Variants in PVR observed in about 807,000 individuals in gnomAD.
PVR encodes the protein PVR cell adhesion molecule.
A neutral mutation model predicts 43.3 loss-of-function variants in PVR; 39 were observed. That is an observed-to-expected ratio of 0.90 (90% CI 0.70 to 1.18). The LOEUF is 1.18. Among genes scored for constraint, PVR ranks in the 50% most tolerant of loss-of-function variants. The probability of loss-of-function intolerance (pLI) is 0.00; values close to 1 mark genes in which losing one functional copy is unlikely to be tolerated. For synonymous variants in PVR, 224 were observed against 233.2 expected (o/e 0.96, Z 0.36); for missense variants, 480 against 549.7 (o/e 0.87, Z 1.27).
In PVR at chr19:44,647,330, C is replaced by T; in HGVS notation, c.187C>T (p.Gln63Ter). Residue 63 changes from glutamine (Q) to a stop codon, truncating the protein, a stop_gained, in exon 2 of 8, where the codon CAG becomes TAG. Coordinates refer to ENST00000425690, the MANE Select transcript of PVR (RefSeq NM_006505.5). LOFTEE classifies it high-confidence loss of function. ...CAACATGGAGGTGACGCATGTGTCACAGCTGACTTGGGCGCGGCATGGTGA... is the reference window on the plus strand; with the variant it reads ...CAACATGGAGGTGACGCATGTGTCATAGCTGACTTGGGCGCGGCATGGTGA... ...VPNMEVTHVS[Q>*]LTWARHGESG... 6.2e-7 allele frequency: 1 copy of T among 1,612,506 alleles called. No homozygotes were observed. The highest frequency in any genetic ancestry group is 1.1e-5 in the South Asian group (1 of 90,652).
At chr19:44,656,826 G>T (rs1219162332) in intron 4 of PVR, among the ~76,000 whole-genome samples, 4 of 152,014 alleles carry the variant, frequency 2.6e-5, no homozygotes, top group Non-Finnish European at 5.9e-5. Context: ...TACAAAAATT[G>T]GCCGGGTGTG....
At chr19:44,646,136 A>T (rs1973108492) in intron 1 of PVR, among the ~76,000 whole-genome samples, 1 of 152,186 alleles carries the variant, frequency 6.6e-6, no homozygotes, top group Non-Finnish European at 1.5e-5. Flanking sequence ...ATAGCCCCTG[A>T]TCTGTGTCAG....
chr19:44,646,339 C>T (rs1973113198), intron 1 of PVR, among the ~76,000 whole-genome samples: 1 of 152,114 alleles, frequency 6.6e-6, no homozygotes, highest in South Asian at 2.1e-4. Context: ...AGTAATAATG[C>T]AGTGTTTCAT....
chr19:44,647,106 CGGGGA>C, intron 1 of PVR, 112 bp from the exon 2 acceptor site: 1 of 663,938 alleles, frequency 1.5e-6, no homozygotes, highest in Non-Finnish European at 2.4e-6. Flanking sequence ...CACGGTCCAC[CGGGGA>C]TCCAGGGCCC....
At position 44,644,183 on chromosome 19, in the gene PVR, A is replaced by AC. The variant is rs1377123956; in HGVS notation, c.79+13dup. 2.0e-6 allele frequency: 3 copies of AC among 1,489,882 alleles called. No individual in the cohort carries two copies. The highest frequency in any genetic ancestry group is 1.5e-5 in the African/African-American group (1 of 68,544). 92.3% of individuals were successfully genotyped at this position (1,489,882 alleles called of 1,614,324 possible). On this transcript the variant is annotated intron_variant, in intron 1 of 7. Coordinates refer to ENST00000425690, the MANE Select transcript of PVR (RefSeq NM_006505.5). ...GGCCACCCCCAGGAACCGGTGAGTGACCCCCGCGCAGTCCGGTGGCCCCTG... is the reference window on the plus strand; with the variant it reads ...GGCCACCCCCAGGAACCGGTGAGTGACCCCCCGCGCAGTCCGGTGGCCCCTG...
chr19:44,654,096 C>T, intron 4 of PVR, 79 bp downstream of exon 4: 1 of 1,190,336 alleles, frequency 8.4e-7, no homozygotes, highest in South Asian at 1.3e-5. Context: ...GGGGCCTGGA[C>T]TCCTGGGACT....
At position 44,643,974 on chromosome 19, in the gene PVR, G is replaced by GC. The variant is rs2123738820; in HGVS notation, c.-117dup. 6 of 704,624 alleles carry GC rather than the reference G, an allele frequency of 8.5e-6. No individual in the cohort carries two copies. Among genetic ancestry groups the GC allele is most frequent in the Admixed American group, 3.4e-5 (1 of 29,726 alleles). The allele number at this position is 704,624 out of a possible 1,614,324, so 43.6% of individuals were successfully genotyped here. Reference sequence around the variant, plus strand: ...TCCCACCCCAGGCACTGGAGGAGCGGCCCCCCGGGGATTCCAGGACCTGAG... The same window carrying GC: ...TCCCACCCCAGGCACTGGAGGAGCGGCCCCCCCGGGGATTCCAGGACCTGAG... On this transcript the variant is annotated 5_prime_UTR_variant, in exon 1 of 8. Coordinates refer to ENST00000425690, the MANE Select transcript of PVR (RefSeq NM_006505.5).
At chr19:44,648,665 T>C (rs1185773610) in intron 2 of PVR, among the ~76,000 whole-genome samples, 1 of 151,978 alleles carries the variant, frequency 6.6e-6, no homozygotes, top group Non-Finnish European at 1.5e-5. Context: ...TTTTGTTTTG[T>C]TTTGTTTTGT....
intron 3 of PVR, among the ~76,000 whole-genome samples, chr19:44,652,099 A>G (rs1380201844): frequency 6.6e-6 from 1 of 152,176 alleles, no homozygotes; most frequent in Non-Finnish European, 1.5e-5. Flanking sequence ...GGAGATTGCA[A>G]TGAGCGAGAT....
chr19:44,660,402 A>G (rs948369628), intron 6 of PVR, among the ~76,000 whole-genome samples: 7 of 152,226 alleles, frequency 4.6e-5, no homozygotes, highest in African/African-American at 1.7e-4. Flanking sequence ...CACTTAACAC[A>G]GTAGGTGGCA....
rs112682912 is a variant in PVR, at chr19:44,647,194, T to C, written c.80-29T>C. The C allele has an allele frequency of 1.9e-4, 277 of 1,485,914 alleles. No homozygotes were observed. The African/African-American group carries it at 3.0e-3, about 16-fold the overall frequency. 92.0% of individuals were successfully genotyped at this position (1,485,914 alleles called of 1,614,324 possible). ...CTATCTAGTCCAAGAACGCCCCGGG[T>C]CTGACACCTTCTCTTCGGTTCTCCG... is the stretch of plus-strand genomic sequence containing the variant. On this transcript the variant is annotated intron_variant, in intron 1 of 7. Coordinates refer to ENST00000425690, the MANE Select transcript of PVR (RefSeq NM_006505.5).
chr19:44,657,383 G>A (rs1275453585), intron 4 of PVR, among the ~76,000 whole-genome samples: 3 of 152,170 alleles, frequency 2.0e-5, no homozygotes, highest in Non-Finnish European at 4.4e-5. Context: ...GTACTGAGCT[G>A]AGGTATGGGA....
intron 4 of PVR, among the ~76,000 whole-genome samples, chr19:44,654,549 C>A (rs1568503300): frequency 6.6e-6 from 1 of 152,144 alleles, no homozygotes; most frequent in Non-Finnish European, 1.5e-5. Flanking sequence ...CCCCCGAATC[C>A]CATGTGACCC....
Position 44,661,958 on chromosome 19 carries a change from C to A in PVR, c.*147C>A. The stretch of plus-strand genomic sequence containing the variant: ...GACCTCAAAACGACGGGGGCAGGTG[C>A]AAGTTCATAGGTCTCCAAGACCACC... On this transcript the variant is annotated 3_prime_UTR_variant, in exon 8 of 8. Transcript: ENST00000425690. 1.4e-6 allele frequency: 1 copy of A among 693,906 alleles called. No homozygotes were observed. Among genetic ancestry groups the A allele is most frequent in the Non-Finnish European group, 2.5e-6 (1 of 406,494 alleles). 43.0% of individuals were successfully genotyped at this position (693,906 alleles called of 1,614,324 possible).
intron 4 of PVR, among the ~76,000 whole-genome samples, chr19:44,654,641 CGCTCG>C (rs1973389347): frequency 6.6e-6 from 1 of 152,350 alleles, no homozygotes; most frequent in East Asian, 1.9e-4. Flanking sequence ...CTTGAATCAG[CGCTCG>C]GCTCCAAAGC....
chr19:44,661,930 CCAG>C lies in PVR; in HGVS notation c.*120_*122del. 1.0e-6 allele frequency: 1 copy of C among 960,348 alleles called. No individual in the cohort carries two copies. The highest frequency in any genetic ancestry group is 1.6e-6 in the Non-Finnish European group (1 of 628,336). 59.5% of individuals were successfully genotyped at this position (960,348 alleles called of 1,614,324 possible). ...AAAGAGACCAGCCTCCCTCCCTGTG[CCAG>C]ACCTCAAAACGACGGGGGCAGGTGC... On this transcript the variant is annotated 3_prime_UTR_variant, in exon 8 of 8. Transcript: ENST00000425690.
chr19:44,661,537 C>G (rs1239168432), intron 7 of PVR, among the ~76,000 whole-genome samples: 1 of 152,218 alleles, frequency 6.6e-6, no homozygotes, highest in Non-Finnish European at 1.5e-5. Context: ...GCCAGGGAAT[C>G]TGCATTTTAA....
At position 44,647,387 on chromosome 19, in the gene PVR, C is replaced by CG. The variant is rs1568498407; in HGVS notation, c.244_245insG (p.Gln82ArgfsTer37). On this transcript the variant is annotated frameshift_variant, in exon 2 of 8. Transcript: ENST00000425690. LOFTEE classifies it high-confidence loss of function. ...CAGCATGGCCGTCTTCCACCAAACG[C>CG]AGGGCCCCAGCTATTCGGAGTCCAA... is the stretch of plus-strand genomic sequence containing the variant. 9 of 1,613,954 alleles carry CG rather than the reference C, an allele frequency of 5.6e-6. No homozygotes were observed. The highest frequency in any genetic ancestry group is 7.6e-6 in the Non-Finnish European group (9 of 1,180,000).
At chr19:44,661,028 T>C (rs1041440740) in intron 6 of PVR, among the ~76,000 whole-genome samples, 1 of 152,234 alleles carries the variant, frequency 6.6e-6, no homozygotes, top group Non-Finnish European at 1.5e-5. Flanking sequence ...GAGATGGAAT[T>C]TGAACCCATC....
Sources: gnomAD v4.1 joint callset for allele counts (sites outside exome capture counted in the v4.1 genomes callset) on GRCh38, gnomAD v4.1.1 for gene constraint, MANE v1.5 for transcripts, NCBI Gene and HGNC (gene_info 2026-07-23, HGNC 2026-07-21) for gene names.